Variants in MLIP observed in about 807,000 individuals in gnomAD.
The protein encoded by MLIP is muscular LMNA-interacting protein.
Under a neutral mutation model 84.8 loss-of-function variants are expected in MLIP, and 79 were observed. The observed-to-expected ratio is 0.93, with a 90% CI of 0.78 to 1.12. MLIP has a LOEUF of 1.12. Among genes scored for constraint, MLIP ranks in the 50% most tolerant of loss-of-function variants. The probability of loss-of-function intolerance (pLI) is 0.00; values close to 1 mark genes in which losing one functional copy is unlikely to be tolerated. For missense variants in MLIP, 1,257 were observed against 1,160.6 expected, an observed-to-expected ratio of 1.08 and a Z score of -1.21; for synonymous variants, 504 against 463.0, an observed-to-expected ratio of 1.09 and a Z score of -1.14.
chr6:54,134,629 G>T (rs1035037650), intron 3 of MLIP, among the ~76,000 whole-genome samples: 1 of 151,818 alleles, frequency 6.6e-6, no homozygotes, highest in Non-Finnish European at 1.5e-5. Context: ...TAGAATGTTT[G>T]GTCATTAGAA....
intron 5 of MLIP, among the ~76,000 whole-genome samples, chr6:54,149,522 C>T (rs569779374): frequency 6.6e-6 from 1 of 152,090 alleles, no homozygotes; most frequent in Non-Finnish European, 1.5e-5. Flanking sequence ...CAGTTGGCCA[C>T]CTTGGGTTGT....
chr6:54,158,768 G>A (rs763108792), intron 5 of MLIP, among the ~76,000 whole-genome samples: 26 of 151,974 alleles, frequency 1.7e-4, no homozygotes, highest in East Asian at 1.9e-4. Flanking sequence ...AATTCAGAAC[G>A]TTTATCATGG....
At chr6:54,243,235 G>A (rs1219573472) in intron 12 of MLIP, among the ~76,000 whole-genome samples, 1 of 152,154 alleles carries the variant, frequency 6.6e-6, no homozygotes, top group Non-Finnish European at 1.5e-5. Flanking sequence ...TGAATCTGAG[G>A]CCTGAAAAGA....
At chr6:54,265,823 T>C in intron 13 of MLIP, 127 bp from the exon 14 acceptor site, 2 of 785,828 alleles carry the variant, frequency 2.5e-6, no homozygotes, top group Non-Finnish European at 4.2e-6. Context: ...AAATAAGCTT[T>C]TCCTATTGTA....
chr6:54,179,966 A>ATTTCT (rs1776686120), intron 9 of MLIP, among the ~76,000 whole-genome samples: 1 of 152,084 alleles, frequency 6.6e-6, no homozygotes, highest in South Asian at 2.1e-4. Context: ...CCTCTTTAGC[A>ATTTCT]TTTCTTGTAG....
intron 1 of MLIP, among the ~76,000 whole-genome samples, chr6:54,061,360 C>T (rs557855198): frequency 2.4e-4 from 36 of 152,212 alleles, no homozygotes; most frequent in African/African-American, 8.4e-4. Flanking sequence ...CACTAACCAG[C>T]TGAGTTGTTT....
intron 12 of MLIP, among the ~76,000 whole-genome samples, chr6:54,232,670 A>G (rs1184108059): frequency 6.6e-6 from 1 of 152,268 alleles, no homozygotes; most frequent in Non-Finnish European, 1.5e-5. Context: ...GGTTAATAGC[A>G]TACTAATTTA....
intron 12 of MLIP, among the ~76,000 whole-genome samples, chr6:54,239,041 T>C (rs971111549): frequency 6.6e-6 from 1 of 152,160 alleles, no homozygotes; most frequent in Non-Finnish European, 1.5e-5. Context: ...CTATTGTAAG[T>C]TTTTATGCAA....
At chr6:54,250,532 A>G (rs919250637) in intron 12 of MLIP, among the ~76,000 whole-genome samples, 1 of 152,122 alleles carries the variant, frequency 6.6e-6, no homozygotes, top group Non-Finnish European at 1.5e-5. Flanking sequence ...CACAGTCATA[A>G]AAAGGAATGA....
chr6:54,155,403 T>C (rs1773916106), intron 5 of MLIP, among the ~76,000 whole-genome samples: 2 of 152,258 alleles, frequency 1.3e-5, no homozygotes, highest in South Asian at 2.1e-4. Flanking sequence ...GAATTTAGGC[T>C]ATACATAATT....
chr6:54,200,888 A>C (rs1161655637), intron 10 of MLIP, among the ~76,000 whole-genome samples: 4 of 152,184 alleles, frequency 2.6e-5, no homozygotes, highest in African/African-American at 9.7e-5. Context: ...AAAATATATC[A>C]GGTGCTTTAT....
intron 1 of MLIP, among the ~76,000 whole-genome samples, chr6:54,025,714 G>C (rs1446636800): frequency 6.6e-6 from 1 of 151,306 alleles, no homozygotes; most frequent in African/African-American, 2.4e-5. Flanking sequence ...GAGGATGTGA[G>C]TGAGTTGCTT....
At chr6:54,074,915 T>A (rs1394304330) in intron 1 of MLIP, among the ~76,000 whole-genome samples, 1 of 152,010 alleles carries the variant, frequency 6.6e-6, no homozygotes, top group Non-Finnish European at 1.5e-5. Flanking sequence ...TTTCCTAACT[T>A]CTTCATTTGC....
At chr6:54,111,065 A>T (rs1241258658), upstream of MLIP, among the ~76,000 whole-genome samples, 2 of 152,250 alleles carry the variant, frequency 1.3e-5, no homozygotes, top group African/African-American at 2.4e-5. Flanking sequence ...CTCTATGAGC[A>T]TGACCAACTG....
chr6:54,192,295 T>C (rs1214052347), intron 10 of MLIP, among the ~76,000 whole-genome samples: 1 of 151,942 alleles, frequency 6.6e-6, no homozygotes, highest in Non-Finnish European at 1.5e-5. Flanking sequence ...AGTAAGCATA[T>C]CACATTAAAA....
At chr6:54,042,584 T>C (rs993183827) in intron 1 of MLIP, among the ~76,000 whole-genome samples, 3 of 152,138 alleles carry the variant, frequency 2.0e-5, no homozygotes, top group Admixed American at 1.3e-4. Flanking sequence ...GTAAGAACAT[T>C]TAGAAAACAT....
intron 11 of MLIP, among the ~76,000 whole-genome samples, chr6:54,206,386 G>T (rs552630236): frequency 1.3e-5 from 2 of 151,466 alleles, no homozygotes; most frequent in Non-Finnish European, 2.9e-5. Flanking sequence ...GGAGAATATT[G>T]TTTCATCTGA....
chr6:54,137,479 C>G lies in MLIP; in HGVS notation c.1410C>G (p.Ser470=). ...PTPKKSLSSC[S]LRAGSPDQGE... Reference sequence around the variant, plus strand: ...CTAAAAAATCTCTCTCAAGTTGTTCCCTGAGAGCCGGGTCACCAGATCAAG... The same window carrying G: ...CTAAAAAATCTCTCTCAAGTTGTTCGCTGAGAGCCGGGTCACCAGATCAAG... The change falls in exon 4 of 14, where the codon TCC becomes TCG. Residue 470 remains serine (S), a synonymous_variant. Coordinates refer to ENST00000502396, the MANE Select transcript of MLIP (RefSeq NM_001281747.2). 1.3e-6 allele frequency: 2 copies of G among 1,536,072 alleles called. No individual in the cohort carries two copies. Among genetic ancestry groups the G allele is most frequent in the African/African-American group, 1.4e-5 (1 of 73,140 alleles).
At chr6:54,215,088 T>C (rs1157098965) in intron 11 of MLIP, 2 of 1,377,634 alleles carry the variant, frequency 1.5e-6, no homozygotes, top group Non-Finnish European at 2.0e-6. Context: ...ATTTGTAACC[T>C]TTTCTACACG....
Sources: gnomAD v4.1 joint callset for allele counts (sites outside exome capture counted in the v4.1 genomes callset) on GRCh38, gnomAD v4.1.1 for gene constraint, MANE v1.5 for transcripts, NCBI Gene and HGNC (gene_info 2026-07-23, HGNC 2026-07-21) for gene names.